The following RASSF8 variants were observed in gnomAD, a reference collection of about 807,000 sequenced individuals.
RASSF8 encodes Ras association domain family member 8, also known as ras association domain-containing protein 8.
A neutral mutation model predicts 48.5 loss-of-function variants in RASSF8; 22 were observed. The ratio of observed to expected loss-of-function variants is 0.45; its 90% CI spans 0.32 to 0.65. The LOEUF (loss-of-function observed/expected upper bound fraction) is 0.65, where lower values mean the gene tolerates loss of function less well. Ranked by LOEUF, RASSF8 falls within the 30% of genes least tolerant of loss-of-function variation. RASSF8 has a pLI of 0.03. For missense variants in RASSF8, 418 were observed against 489.2 expected (o/e 0.85, Z 1.37); for synonymous variants, 127 against 171.5 (o/e 0.74, Z 2.03).
chr12:26,017,554 G>C (rs1263607530), intron 2 of RASSF8, among the ~76,000 whole-genome samples: 1 of 152,236 alleles, frequency 6.6e-6, no homozygotes, highest in African/African-American at 2.4e-5. Context: ...AAGTCACCTT[G>C]TTGATGGAAC....
At chr12:26,021,732 A>C (rs1262464448) in intron 2 of RASSF8, among the ~76,000 whole-genome samples, 1 of 152,194 alleles carries the variant, frequency 6.6e-6, no homozygotes, top group Non-Finnish European at 1.5e-5. Context: ...AGGCAAGCCA[A>C]GAATACCAAA....
chr12:26,076,411 C>T (rs1403625822), downstream of RASSF8, among the ~76,000 whole-genome samples: 1 of 152,134 alleles, frequency 6.6e-6, no homozygotes, highest in Non-Finnish European at 1.5e-5. Context: ...GCTATCCCTC[C>T]CCCAGCTCCC....
chr12:26,056,525 T>C (rs1323682758), intron 3 of RASSF8, among the ~76,000 whole-genome samples: 1 of 152,238 alleles, frequency 6.6e-6, no homozygotes, highest in Admixed American at 6.5e-5. Context: ...CCAGTTTATA[T>C]TGGAAGCATG....
At position 26,071,994 on chromosome 12, in the gene RASSF8, G is replaced by A. The variant is rs890363482; in HGVS notation, c.*3176G>A. 4 of 985,262 alleles carry A rather than the reference G, an allele frequency of 4.1e-6. No individual in the cohort carries two copies. The highest frequency in any genetic ancestry group is 4.8e-6 in the Non-Finnish European group (4 of 829,890). The allele number at this position is 985,262 out of a possible 1,614,324, so 61.0% of individuals were successfully genotyped here. On this transcript the variant is annotated 3_prime_UTR_variant, in exon 6 of 6. Transcript: ENST00000689635. ...AGACTGTTCATTTGAAGCCATTTCT[G>A]TAAACATCTTCCAAGATAGAACTGT...
At chr12:26,024,771 A>G (rs544966509) in intron 2 of RASSF8, among the ~76,000 whole-genome samples, 4 of 152,260 alleles carry the variant, frequency 2.6e-5, no homozygotes, top group African/African-American at 9.6e-5. Context: ...CCTGGCTAAC[A>G]TGGTGAAACC....
At chr12:26,025,869 TG>T (rs1445329699) in intron 2 of RASSF8, among the ~76,000 whole-genome samples, 26 of 151,880 alleles carry the variant, frequency 1.7e-4, no homozygotes, top group African/African-American at 5.1e-4. Flanking sequence ...TATAATACAT[TG>T]TTGAAAGAAA....
At chr12:26,052,658 G>A (rs1362673351) in intron 2 of RASSF8, 2 of 152,182 alleles carry the variant, frequency 1.3e-5, no homozygotes, top group African/African-American at 4.8e-5. Flanking sequence ...TAGAACTGTT[G>A]GAGTTGATAT....
At chr12:26,075,824 A>G (rs915829070), downstream of RASSF8, among the ~76,000 whole-genome samples, 12 of 152,118 alleles carry the variant, frequency 7.9e-5, no homozygotes, top group African/African-American at 2.9e-4. Context: ...CTGGGGAGAC[A>G]GGGAGGAGTG....
intron 1 of RASSF8, among the ~76,000 whole-genome samples, chr12:25,970,641 G>T (rs931583): frequency 0.039 from 5,923 of 152,170 alleles, 142 homozygotes; most frequent in African/African-American, 0.065. Context: ...AACCCTCAGT[G>T]CCCACAGGAT....
intron 2 of RASSF8, among the ~76,000 whole-genome samples, chr12:26,007,111 G>A (rs901426551): frequency 1.8e-4 from 27 of 152,134 alleles, no homozygotes; most frequent in African/African-American, 6.3e-4. Context: ...GAGGGAGGAG[G>A]TGCCAGGCTC....
At chr12:25,981,682 A>G (rs1360213005) in intron 1 of RASSF8, among the ~76,000 whole-genome samples, 1 of 152,238 alleles carries the variant, frequency 6.6e-6, no homozygotes, top group Non-Finnish European at 1.5e-5. Context: ...TGAGGCAGGT[A>G]TGCTGAATGA....
chr12:25,987,525 G>A (rs968577079), intron 1 of RASSF8, among the ~76,000 whole-genome samples: 1 of 152,088 alleles, frequency 6.6e-6, no homozygotes, highest in African/African-American at 2.4e-5. Context: ...ACAAGTGCCC[G>A]GTTTAAGTGG....
At chr12:26,025,429 C>T (rs189396744) in intron 2 of RASSF8, among the ~76,000 whole-genome samples, 80 of 152,048 alleles carry the variant, frequency 5.3e-4, no homozygotes, top group Admixed American at 1.4e-3. Context: ...TGTTGGCGGG[C>T]GCCTGTATTC....
At position 26,070,990 on chromosome 12, in the gene RASSF8, C is replaced by A. The variant is rs1239334866; in HGVS notation, c.*2172C>A. ...GTTCCCAGCAGAGTATCACAGTTAA[C>A]CTCTCTGACAACTTCATCAGAATTT... On this transcript the variant is annotated 3_prime_UTR_variant, in exon 6 of 6. Transcript: ENST00000689635. 4.9e-5 allele frequency: 48 copies of A among 984,860 alleles called. No individual in the cohort carries two copies. Among genetic ancestry groups the A allele is most frequent in the Non-Finnish European group, 5.4e-5 (45 of 829,554 alleles). The allele number at this position is 984,860 out of a possible 1,614,324, so 61.0% of individuals were successfully genotyped here. A position where few individuals can be genotyped will look rare whatever the true frequency, so the allele number is the denominator to read the frequency against.
At chr12:25,976,791 C>A (rs766801173) in intron 1 of RASSF8, among the ~76,000 whole-genome samples, 1 of 152,180 alleles carries the variant, frequency 6.6e-6, no homozygotes, top group South Asian at 2.1e-4. Context: ...AGTCACGACC[C>A]TCTACCGGTG....
At chr12:25,959,367 A>G (rs965188538) in intron 1 of RASSF8, 1 of 152,246 alleles carries the variant, frequency 6.6e-6, no homozygotes, top group African/African-American at 2.4e-5. Context: ...CTCGCGGCAC[A>G]CAAGCCGCGG....
chr12:25,972,661 A>AT (rs1565599082), intron 1 of RASSF8, among the ~76,000 whole-genome samples: 1 of 152,204 alleles, frequency 6.6e-6, no homozygotes, highest in South Asian at 2.1e-4. Context: ...GAATTTTTGT[A>AT]TTTTTTAAAA....
chr12:26,055,475 A>G, intron 3 of RASSF8, 29 bp downstream of exon 3: 1 of 1,528,698 alleles, frequency 6.5e-7, no homozygotes. Context: ...TATCTGAGAA[A>G]AGTACATTGT....
chr12:26,011,904 T>C (rs1014279441), intron 2 of RASSF8: 1 of 152,226 alleles, frequency 6.6e-6, no homozygotes, highest in African/African-American at 2.4e-5. Context: ...ACACAGTGAC[T>C]CATGAACTTC....
Sources: allele counts gnomAD v4.1 joint callset (sites outside exome capture counted in the v4.1 genomes callset), GRCh38; gene constraint gnomAD v4.1.1; transcripts MANE v1.5; gene names NCBI Gene and HGNC (gene_info 2026-07-23, HGNC 2026-07-21).